The following GOLM2 variants were observed in gnomAD, a reference collection of about 807,000 sequenced individuals.
GOLM2 encodes the protein golgi membrane protein 2.
In GOLM2, 26 loss-of-function variants were observed where a neutral mutation model predicts 55.9. The ratio of observed to expected loss-of-function variants is 0.47; its 90% CI spans 0.34 to 0.65. GOLM2 has a LOEUF of 0.65. Ranked by LOEUF, GOLM2 falls within the 30% of genes least tolerant of loss-of-function variation. The pLI is 0.01. For synonymous variants in GOLM2, 165 were observed against 194.6 expected (o/e 0.85, Z 1.27); for missense variants, 486 against 531.8 (o/e 0.91, Z 0.85).
In GOLM2 at chr15:44,414,985, G is replaced by A. The variant is rs567999623; in HGVS notation, c.*1579G>A. 4 of 152,680 alleles carry A rather than the reference G, an allele frequency of 2.6e-5. No homozygotes were observed. The highest frequency in any genetic ancestry group is 1.3e-4 in the Admixed American group (2 of 15,282). The allele number at this position is 152,680 out of a possible 1,614,324, so 9.5% of individuals were successfully genotyped here. ...GGGGAAATTTAAGATTGTTAACCCTGTTTTTCAGAAGGGCTACTGTTAATT... is the reference window on the plus strand; with the variant it reads ...GGGGAAATTTAAGATTGTTAACCCTATTTTTCAGAAGGGCTACTGTTAATT... On this transcript the variant is annotated 3_prime_UTR_variant, in exon 10 of 10. Coordinates refer to ENST00000299957, the MANE Select transcript of GOLM2 (RefSeq NM_138423.4).
At chr15:44,372,862 C>T (rs191442242) in intron 6 of GOLM2, among the ~76,000 whole-genome samples, 1 of 152,138 alleles carries the variant, frequency 6.6e-6, no homozygotes, top group Non-Finnish European at 1.5e-5. Flanking sequence ...TGCGCATGCT[C>T]CTGTCTCAAG....
At chr15:44,336,940 A>G (rs774550950) in intron 4 of GOLM2, among the ~76,000 whole-genome samples, 37 of 152,080 alleles carry the variant, frequency 2.4e-4, no homozygotes, top group Non-Finnish European at 5.1e-4. Flanking sequence ...ATAAAAAAAA[A>G]TATTTGGCTC....
At chr15:44,328,869 A>G (rs967654631) in intron 3 of GOLM2, 82 bp downstream of exon 3, 6 of 893,706 alleles carry the variant, frequency 6.7e-6, no homozygotes, top group Admixed American at 6.5e-5. Context: ...TTTCTCTCTG[A>G]CTTTTGTTTC....
chr15:44,329,909 T>C lies in GOLM2; in HGVS notation c.485+1122T>C, dbSNP rs185681426. Among the ~76,000 whole-genome samples the C allele has an allele frequency of 1.5e-3, 220 of 149,208 alleles. 1 individual carries two copies. The highest frequency in any genetic ancestry group is 3.4e-3 in the Middle Eastern group (1 of 292). On this transcript the variant is annotated intron_variant, in intron 3 of 9. Transcript: ENST00000299957. Reference sequence around the variant, plus strand: ...AGGGTGAGAACTTGTCTTTTTTTTTTTTTTTTTTGAGATGGAGTCTCTCAC... The same window carrying C: ...AGGGTGAGAACTTGTCTTTTTTTTTCTTTTTTTTGAGATGGAGTCTCTCAC...
rs575872211 is a variant in GOLM2 at position 44,322,862 on chromosome 15, G to A, written c.328-103G>A. ...GGTAGAGTATAAATAAATAACCAGA[G>A]TTTTTTGTTTGCATTTATGATCAAG... On this transcript the variant is annotated intron_variant, in intron 1 of 9. Transcript: ENST00000299957. The A allele has an allele frequency of 2.1e-3, 1,502 of 710,452 alleles. 3 individuals carry two copies. Among genetic ancestry groups the A allele is most frequent in the Non-Finnish European group, 2.7e-3 (1,157 of 426,636 alleles). The allele number at this position is 710,452 out of a possible 1,614,324, so 44.0% of individuals were successfully genotyped here.
intron 1 of GOLM2, among the ~76,000 whole-genome samples, chr15:44,311,283 C>T (rs1266074085): frequency 1.3e-5 from 2 of 152,048 alleles, no homozygotes; most frequent in African/African-American, 4.8e-5. Context: ...AGTTTCTTAA[C>T]AGGTTTTACT....
intron 8 of GOLM2, among the ~76,000 whole-genome samples, chr15:44,402,259 T>C (rs896925195): frequency 2.6e-5 from 4 of 152,170 alleles, no homozygotes; most frequent in Non-Finnish European, 4.4e-5. Context: ...CCAGAATTAC[T>C]TGGGATTTTT....
In GOLM2 at chr15:44,289,257, G is replaced by T. The variant is rs1452519253; in HGVS notation, c.228G>T (p.Thr76=). 3.1e-6 allele frequency: 5 copies of T among 1,614,066 alleles called. No homozygotes were observed. In the African/African-American group the frequency reaches 4.0e-5, roughly 13 times the overall value. The change falls in exon 1 of 10, where the codon ACG becomes ACT. Residue 76 remains threonine, a synonymous_variant. Transcript: ENST00000299957. The surrounding 1 kb of genome is among the most constrained non-coding windows in gnomAD (Gnocchi z 4.8). ...CGGACCTCTTGCTGTTGGTGGACAC[G>T]CACAAGAAACAGATCGACCAGAAGG... The part of the protein sequence containing the change: ...RNSDLLLLVD[T]HKKQIDQKEA...
chr15:44,337,950 T>C (rs1298749145), intron 5 of GOLM2, 43 bp downstream of exon 5: 2 of 1,516,180 alleles, frequency 1.3e-6, no homozygotes, highest in Non-Finnish European at 1.8e-6. Flanking sequence ...AATAGGATAT[T>C]GACTTTTTCT....
At chr15:44,341,579 T>C (rs1194878530) in intron 6 of GOLM2, among the ~76,000 whole-genome samples, 1 of 152,102 alleles carries the variant, frequency 6.6e-6, no homozygotes, top group Non-Finnish European at 1.5e-5. Context: ...TATCAGACAG[T>C]GGTTTTCAAA....
At chr15:44,347,403 C>T (rs1447123487) in intron 6 of GOLM2, among the ~76,000 whole-genome samples, 2 of 152,166 alleles carry the variant, frequency 1.3e-5, no homozygotes, top group African/African-American at 2.4e-5. Context: ...AGAATCTATA[C>T]ACTTCCAGGA....
intron 6 of GOLM2, among the ~76,000 whole-genome samples, chr15:44,354,121 A>G (rs2079182044): frequency 6.6e-6 from 1 of 152,096 alleles, no homozygotes; most frequent in Non-Finnish European, 1.5e-5. Context: ...ATTATAGGTA[A>G]TTAGTATTAA....
chr15:44,413,484 G>T lies in GOLM2; in HGVS notation c.*78G>T. 2 of 1,071,978 alleles carry T rather than the reference G, an allele frequency of 1.9e-6. No homozygotes were observed. Among genetic ancestry groups the T allele is most frequent in the East Asian group, 2.4e-5 (1 of 41,824 alleles). 66.4% of individuals were successfully genotyped at this position (1,071,978 alleles called of 1,614,324 possible). A position where few individuals can be genotyped will look rare whatever the true frequency, so the allele number is the denominator to read the frequency against. On this transcript the variant is annotated 3_prime_UTR_variant, in exon 10 of 10. Transcript: ENST00000299957. ...TACTTTGTCCTTTCTGACTTTTGTT[G>T]TAAAGACGAATTGTATCAGTTGTAA...
intron 1 of GOLM2, among the ~76,000 whole-genome samples, chr15:44,313,035 T>TG (rs1349472198): frequency 6.6e-6 from 1 of 151,184 alleles, no homozygotes; most frequent in Non-Finnish European, 1.5e-5. Context: ...GCTGAGATCA[T>TG]GCCATTGCAC....
At chr15:44,387,980 TG>T (rs1284462405) in intron 8 of GOLM2, among the ~76,000 whole-genome samples, 1 of 151,772 alleles carries the variant, frequency 6.6e-6, no homozygotes, top group African/African-American at 2.4e-5. Flanking sequence ...TTCTTTTTTT[TG>T]TTTTTGAGAC....
intron 6 of GOLM2, among the ~76,000 whole-genome samples, chr15:44,364,354 T>C: frequency 6.8e-6 from 1 of 146,146 alleles, no homozygotes. Context: ...CAAAACCCCA[T>C]CTCTACCCAA....
At chr15:44,305,117 C>T (rs1267180481) in intron 1 of GOLM2, among the ~76,000 whole-genome samples, 1 of 152,148 alleles carries the variant, frequency 6.6e-6, no homozygotes, top group African/African-American at 2.4e-5. Flanking sequence ...CCTCCTATCT[C>T]AGCCTTCCGA....
At chr15:44,411,826 C>T (rs2079640359) in intron 9 of GOLM2, among the ~76,000 whole-genome samples, 1 of 129,526 alleles carries the variant, frequency 7.7e-6, no homozygotes, top group African/African-American at 3.2e-5. Flanking sequence ...GAGACTGCAT[C>T]TCAAAAAAAA....
At chr15:44,380,356 T>C (rs2079393390) in intron 7 of GOLM2, among the ~76,000 whole-genome samples, 1 of 152,084 alleles carries the variant, frequency 6.6e-6, no homozygotes, top group Admixed American at 6.6e-5. Flanking sequence ...TGGTATCCAG[T>C]AGATAATGCT....
Sources: allele counts gnomAD v4.1 joint callset (sites outside exome capture counted in the v4.1 genomes callset), GRCh38; gene constraint gnomAD v4.1.1; non-coding constraint Gnocchi (gnomAD v3.1); transcripts MANE v1.5; gene names NCBI Gene and HGNC (gene_info 2026-07-23, HGNC 2026-07-21).